The following ACOT1 variants were observed in gnomAD, a reference collection of about 807,000 sequenced individuals.
The protein encoded by ACOT1 is acyl-coenzyme A thioesterase 1.
In ACOT1, 8 loss-of-function variants were observed where a neutral mutation model predicts 15.7. The observed-to-expected ratio is 0.51, with a 90% CI of 0.30 to 0.92. ACOT1 has a LOEUF of 0.92. ACOT1 is among the 40% of genes least tolerant of loss of function. The pLI is 0.06. For synonymous variants in ACOT1, 67 were observed against 241.2 expected, an observed-to-expected ratio of 0.28 and a Z score of 6.69; for missense variants, 151 against 539.4, an observed-to-expected ratio of 0.28 and a Z score of 7.13.
chr14:73,502,735 G>C, the ACOT1 span, among the ~76,000 whole-genome samples: 13 of 152,136 alleles, frequency 8.5e-5, no homozygotes, highest in Non-Finnish European at 1.8e-4. Flanking sequence ...TTTTAGTAAA[G>C]ACAGGGTTTT....
intron 1 of ACOT1, among the ~76,000 whole-genome samples, 193 bp downstream of exon 1, chr14:73,538,071 C>G (rs1888939702): frequency 8.9e-6 from 1 of 112,910 alleles, no homozygotes; most frequent in African/African-American, 2.9e-5. Flanking sequence ...AAGCTATCCT[C>G]CCGCCTCTGC....
chr14:73,493,997 C>T, the ACOT1 span, among the ~76,000 whole-genome samples: 1 of 152,198 alleles, frequency 6.6e-6, no homozygotes, highest in African/African-American at 2.4e-5. Flanking sequence ...TTTTTGCTCA[C>T]TGTTTGCTTA....
rs1210539315 is a variant in ACOT1, at chr14:73,541,891, C to CT, written c.660+197dup. Among the ~76,000 whole-genome samples the CT allele has an allele frequency of 1.8e-5, 2 of 113,930 alleles. 1 individual carries two copies. Among genetic ancestry groups the CT allele is most frequent in the Non-Finnish European group, 3.8e-5 (2 of 53,066 alleles). 74.7% of individuals were successfully genotyped at this position (113,930 alleles called of 152,430 possible). On this transcript the variant is annotated intron_variant, in intron 2 of 2. Transcript: ENST00000311148. ...TCTTTTTTTGAGATGGAGTCTCACT[C>CT]TGTTGCCAGGCTGGAGTCCAGTGGT...
the ACOT1 span, chr14:73,491,868 C>T: frequency 1.2e-6 from 2 of 1,610,872 alleles, no homozygotes; most frequent in Middle Eastern, 1.7e-4. Flanking sequence ...GCGCTGCCCG[C>T]CGCCGCGTGG....
chr14:73,493,107 T>C, the ACOT1 span: 8 of 1,613,246 alleles, frequency 5.0e-6, no homozygotes, highest in Admixed American at 1.3e-4. Context: ...GAAGGTCTTC[T>C]AGGAAGAACC....
upstream of ACOT1, among the ~76,000 whole-genome samples, chr14:73,535,787 T>C (rs1357664710): frequency 1.1e-4 from 13 of 114,874 alleles, no homozygotes; most frequent in African/African-American, 3.7e-4. Flanking sequence ...CCCCTTTTTC[T>C]TGTTAGAGAC....
chr14:73,522,159 C>T, the ACOT1 span: 2 of 1,105,694 alleles, frequency 1.8e-6, no homozygotes, highest in Non-Finnish European at 2.6e-6. Flanking sequence ...TGGTGGAGAA[C>T]ATGAAGTTGA....
chr14:73,508,215 G>GATC, the ACOT1 span: 14 of 1,613,742 alleles, frequency 8.7e-6, no homozygotes, highest in Non-Finnish European at 1.0e-5. Flanking sequence ...GCTGGTGGAG[G>GATC]ATCCTCTTAA....
the ACOT1 span, chr14:73,492,477 G>A: frequency 1.9e-6 from 3 of 1,613,662 alleles, no homozygotes; most frequent in Non-Finnish European, 1.7e-6. This position sits in a 1 kb window ranked among gnomAD's most constrained non-coding sequence, Gnocchi z 4.9. Context: ...TTGGTTGCCC[G>A]CCTGGGACAC....
chr14:73,529,943 G>A, the ACOT1 span, among the ~76,000 whole-genome samples: 5 of 147,048 alleles, frequency 3.4e-5, no homozygotes, highest in Admixed American at 7.1e-5. Flanking sequence ...CTGGGGTGGT[G>A]TTTGTTAGAT....
At chr14:73,505,719 G>A in the ACOT1 span, among the ~76,000 whole-genome samples, 2 of 151,588 alleles carry the variant, frequency 1.3e-5, no homozygotes, top group Non-Finnish European at 2.9e-5. Context: ...TGTGTGTGCC[G>A]AACACTCTGA....
At chr14:73,501,538 C>T in the ACOT1 span, among the ~76,000 whole-genome samples, 1 of 151,024 alleles carries the variant, frequency 6.6e-6, no homozygotes, top group African/African-American at 2.4e-5. Context: ...AGGCACTTAC[C>T]CACTCTGCGG....
At chr14:73,490,937 T>G in the ACOT1 span, 1 of 1,271,894 alleles carries the variant, frequency 7.9e-7, no homozygotes, top group Non-Finnish European at 1.0e-6. Flanking sequence ...CTTCCCAGAG[T>G]GCACCGCAGC....
At chr14:73,516,520 G>A in the ACOT1 span, among the ~76,000 whole-genome samples, 1 of 149,100 alleles carries the variant, frequency 6.7e-6, no homozygotes, top group African/African-American at 2.5e-5. Context: ...TAACCTCATA[G>A]GAATAAAAAA....
rs769044222 is a variant in ACOT1, at chr14:73,541,111, G to A, written c.458-382G>A. Among the ~76,000 whole-genome samples, 38 of 113,820 alleles carry A rather than the reference G, an allele frequency of 3.3e-4. 12 individuals carry two copies. The highest frequency in any genetic ancestry group is 5.9e-4 in the Non-Finnish European group (31 of 52,644). 74.7% of individuals were successfully genotyped at this position (113,820 alleles called of 152,430 possible). A position where few individuals can be genotyped will look rare whatever the true frequency, so the allele number is the denominator to read the frequency against. On this transcript the variant is annotated intron_variant, in intron 1 of 2. Transcript: ENST00000311148. ...TGTAAATGATAAAAATATTCAGTAA[G>A]TGGAGTCATTCAGAATGAGTAGCCT... is the stretch of plus-strand genomic sequence containing the variant.
upstream of ACOT1, among the ~76,000 whole-genome samples, chr14:73,534,691 A>C (rs1888806056): frequency 8.7e-6 from 1 of 114,788 alleles, no homozygotes; most frequent in African/African-American, 2.8e-5. Context: ...ACCCCGTCTT[A>C]AAAAACAAAC....
chr14:73,498,761 T>G, the ACOT1 span, among the ~76,000 whole-genome samples: 1 of 152,314 alleles, frequency 6.6e-6, no homozygotes, highest in East Asian at 1.9e-4. Flanking sequence ...GCGTAATAGT[T>G]GAGATCTCCA....
the ACOT1 span, chr14:73,492,639 A>T: frequency 6.2e-7 from 1 of 1,613,994 alleles, no homozygotes; most frequent in East Asian, 2.2e-5. The surrounding 1 kb of genome is among the most constrained non-coding windows in gnomAD (Gnocchi z 4.9). Flanking sequence ...GTGGGGGCCC[A>T]GTTGACAACA....
At chr14:73,510,773 A>G in the ACOT1 span, among the ~76,000 whole-genome samples, 22 of 152,152 alleles carry the variant, frequency 1.4e-4, no homozygotes, top group African/African-American at 5.1e-4. Flanking sequence ...AGCATTCCAC[A>G]GAGTCTTGGG....
Sources: allele counts gnomAD v4.1 joint callset (sites outside exome capture counted in the v4.1 genomes callset), GRCh38; gene constraint gnomAD v4.1.1; non-coding constraint Gnocchi (gnomAD v3.1); transcripts MANE v1.5; gene names NCBI Gene and HGNC (gene_info 2026-07-23, HGNC 2026-07-21).